EXT2: variants seen among roughly 807,000 people sequenced by gnomAD.
EXT2 encodes the protein exostosin glycosyltransferase 2.
Under a neutral mutation model 81.6 loss-of-function variants are expected in EXT2, and 53 were observed. The ratio of observed to expected loss-of-function variants is 0.65; its 90% CI spans 0.52 to 0.82. EXT2 has a LOEUF of 0.82. EXT2 is among the 40% of genes least tolerant of loss of function. EXT2 has a pLI of 0.00. For synonymous variants in EXT2, 320 were observed against 340.0 expected (o/e 0.94, Z 0.65); for missense variants, 774 against 910.2 (o/e 0.85, Z 1.93).
intron 7 of EXT2, among the ~76,000 whole-genome samples, chr11:44,141,720 C>T (rs535610945): frequency 4.6e-5 from 7 of 152,298 alleles, no homozygotes; most frequent in East Asian, 3.9e-4. Flanking sequence ...AGTTAACCAT[C>T]GGTTTAATCC....
At chr11:44,113,477 T>C (rs914005116) in intron 3 of EXT2, among the ~76,000 whole-genome samples, 1 of 152,200 alleles carries the variant, frequency 6.6e-6, no homozygotes, top group African/African-American at 2.4e-5. Context: ...TAAAACAATG[T>C]GGTCACTGTT....
chr11:44,136,408 T>G (rs1209846882), intron 7 of EXT2, among the ~76,000 whole-genome samples: 1 of 152,226 alleles, frequency 6.6e-6, no homozygotes, highest in Non-Finnish European at 1.5e-5. Context: ...GCACACTCTG[T>G]TCTGCTGCCT....
intron 2 of EXT2, 84 bp downstream of exon 2, chr11:44,108,332 C>T (rs1954093218): frequency 6.9e-7 from 1 of 1,446,026 alleles, no homozygotes; most frequent in Admixed American, 1.8e-5. Flanking sequence ...GATGGGAATG[C>T]TTCTGCTCTT....
rs1307999810 is a variant in EXT2 at position 44,203,947 on chromosome 11, G to A, written c.1496-2846G>A. ...TGATGACTACAGTTGAAACTGAGAG[G>A]CAATAAAGTGATAAGTGGCACACTT... On this transcript the variant is annotated intron_variant, in intron 9 of 13. Coordinates refer to ENST00000533608, the MANE Select transcript of EXT2 (RefSeq NM_207122.2). 2.0e-5 allele frequency among the ~76,000 whole-genome samples: 3 copies of A among 152,214 alleles called. 1 individual carries two copies. In the East Asian group the frequency reaches 5.8e-4, roughly 29 times the overall value.
chr11:44,148,885 G>A (rs1288276033), intron 7 of EXT2, among the ~76,000 whole-genome samples: 1 of 152,128 alleles, frequency 6.6e-6, no homozygotes, highest in Non-Finnish European at 1.5e-5. Flanking sequence ...TGAGCATTAA[G>A]TTCACTTTTC....
At chr11:44,181,546 C>T (rs936274857) in intron 8 of EXT2, among the ~76,000 whole-genome samples, 7 of 152,040 alleles carry the variant, frequency 4.6e-5, no homozygotes, top group African/African-American at 1.2e-4. Flanking sequence ...TACCATCTTT[C>T]GGTCTTCTTC....
intron 7 of EXT2, among the ~76,000 whole-genome samples, chr11:44,159,018 C>G (rs1954893462): frequency 6.6e-6 from 1 of 151,264 alleles, no homozygotes; most frequent in African/African-American, 2.4e-5. Flanking sequence ...GATTTTTTTT[C>G]TTTATGTTTG....
chr11:44,245,650 G>A lies in EXT2; in HGVS notation c.*1363G>A, dbSNP rs1031793186. ...AAACCTAGTTGTTTTGCCAGTCAGCGTCAGTCATACACCATCCATTGTTCT... is the reference window on the plus strand; with the variant it reads ...AAACCTAGTTGTTTTGCCAGTCAGCATCAGTCATACACCATCCATTGTTCT... On this transcript the variant is annotated 3_prime_UTR_variant, in exon 14 of 14. Transcript: ENST00000533608. Among the ~76,000 whole-genome samples the A allele has an allele frequency of 4.6e-5, 7 of 152,160 alleles. No individual in the cohort carries two copies. The highest frequency in any genetic ancestry group is 7.4e-5 in the Non-Finnish European group (5 of 68,026).
chr11:44,135,423 G>A (rs189102225), intron 7 of EXT2, among the ~76,000 whole-genome samples: 305 of 143,082 alleles, frequency 2.1e-3, no homozygotes, highest in Non-Finnish European at 3.1e-3. Context: ...ACAGAGGCTC[G>A]TTGTGTCACC....
chr11:44,097,758 C>CA (rs769914517), intron 1 of EXT2, among the ~76,000 whole-genome samples: 1 of 52,244 alleles, frequency 1.9e-5, no homozygotes, highest in African/African-American at 1.5e-4. Context: ...GACTCCATCT[C>CA]AAAAAATAAA....
chr11:44,126,150 G>C (rs983734080), intron 5 of EXT2, among the ~76,000 whole-genome samples: 7 of 152,172 alleles, frequency 4.6e-5, no homozygotes, highest in Admixed American at 2.6e-4. Flanking sequence ...TGTTTTTTCT[G>C]TGGTACATCT....
intron 11 of EXT2, among the ~76,000 whole-genome samples, chr11:44,233,003 A>T (rs1955917046): frequency 6.6e-6 from 1 of 152,206 alleles, no homozygotes; most frequent in Non-Finnish European, 1.5e-5. Flanking sequence ...AACGCTTAAT[A>T]TCTAATGTTA....
At chr11:44,238,880 CAAA>C (rs1213579370) in intron 13 of EXT2, among the ~76,000 whole-genome samples, 2 of 152,128 alleles carry the variant, frequency 1.3e-5, no homozygotes, top group African/African-American at 2.4e-5. Context: ...TGCTGGACTC[CAAA>C]AGGCTTTGAA....
chr11:44,194,236 T>C (rs1189222860), intron 8 of EXT2, among the ~76,000 whole-genome samples: 2 of 152,224 alleles, frequency 1.3e-5, no homozygotes, highest in Non-Finnish European at 2.9e-5. Flanking sequence ...TAGTGGTGTA[T>C]TTACCTTTTT....
chr11:44,196,863 A>C (rs1955461298), intron 8 of EXT2, among the ~76,000 whole-genome samples: 1 of 152,128 alleles, frequency 6.6e-6, no homozygotes, highest in African/African-American at 2.4e-5. Context: ...ATTCATGCTG[A>C]AGATGCTCTT....
At chr11:44,238,094 GA>G (rs746139781) in intron 13 of EXT2, among the ~76,000 whole-genome samples, 2 of 151,718 alleles carry the variant, frequency 1.3e-5, no homozygotes, top group East Asian at 3.9e-4. Context: ...CATCTCAAAA[GA>G]AAAAAATGCA....
At chr11:44,170,134 G>C (rs1955050634) in intron 7 of EXT2, among the ~76,000 whole-genome samples, 2 of 152,118 alleles carry the variant, frequency 1.3e-5, no homozygotes, top group African/African-American at 4.8e-5. Context: ...AAATTGCAAA[G>C]TATTGAAATC....
At chr11:44,196,409 T>C (rs918640460) in intron 8 of EXT2, among the ~76,000 whole-genome samples, 2 of 152,236 alleles carry the variant, frequency 1.3e-5, no homozygotes, top group Non-Finnish European at 2.9e-5. Context: ...CTTCTTTAAT[T>C]TCTTTGATAG....
intron 3 of EXT2, among the ~76,000 whole-genome samples, chr11:44,111,578 T>C (rs1043591823): frequency 5.3e-5 from 8 of 152,252 alleles, no homozygotes; most frequent in African/African-American, 1.9e-4. Flanking sequence ...TCTTATCCTT[T>C]CTTTGCAAAT....
Sources: gnomAD v4.1 joint callset for allele counts (sites outside exome capture counted in the v4.1 genomes callset) on GRCh38, gnomAD v4.1.1 for gene constraint, MANE v1.5 for transcripts, NCBI Gene and HGNC (gene_info 2026-07-23, HGNC 2026-07-21) for gene names.